Variants in VWC2L observed in about 807,000 individuals in gnomAD.
VWC2L encodes the protein von Willebrand factor C domain-containing protein 2-like.
In VWC2L, 10 loss-of-function variants were observed where a neutral mutation model predicts 21.6. The ratio of observed to expected loss-of-function variants is 0.46; its 90% CI spans 0.29 to 0.78. The LOEUF (loss-of-function observed/expected upper bound fraction) is 0.78. Ranked by LOEUF, VWC2L falls within the 30% of genes least tolerant of loss-of-function variation. VWC2L has a pLI of 0.10. For synonymous variants in VWC2L, 96 were observed against 94.3 expected (o/e 1.02, Z -0.10); for missense variants, 209 against 277.1 (o/e 0.75, Z 1.74).
chr2:214,430,698 A>G lies in VWC2L; in HGVS notation c.391-5931A>G, dbSNP rs58318981. Among the ~76,000 whole-genome samples the G allele has an allele frequency of 4.2e-3, 636 of 152,336 alleles. 4 individuals carry two copies. Among genetic ancestry groups the G allele is most frequent in the African/African-American group, 0.015 (614 of 41,576 alleles). ...GTTTTTTGATAGACATGCTGAAAAA[A>G]TATACTCCAGAATGTATTATCAAAA... On this transcript the variant is annotated intron_variant, in intron 2 of 3. Coordinates refer to ENST00000312504, the MANE Select transcript of VWC2L (RefSeq NM_001080500.4).
intron 3 of VWC2L, among the ~76,000 whole-genome samples, chr2:214,496,450 T>C (rs1026178451): frequency 4.6e-5 from 7 of 152,154 alleles, no homozygotes; most frequent in Admixed American, 6.6e-5. Flanking sequence ...TTTTCAACTA[T>C]CTGTTATACT....
chr2:214,536,507 A>T (rs1689531470), intron 3 of VWC2L, among the ~76,000 whole-genome samples: 1 of 152,086 alleles, frequency 6.6e-6, no homozygotes, highest in South Asian at 2.1e-4. Context: ...ATCAAGTTGA[A>T]TCTTAAAATC....
intron 3 of VWC2L, among the ~76,000 whole-genome samples, chr2:214,540,266 C>T (rs79641771): frequency 0.027 from 4,118 of 152,202 alleles, 186 homozygotes; most frequent in African/African-American, 0.092. Flanking sequence ...TTTATGGAAT[C>T]TTCATGTGCA....
At chr2:214,486,086 G>T (rs1321264206) in intron 3 of VWC2L, among the ~76,000 whole-genome samples, 1 of 152,014 alleles carries the variant, frequency 6.6e-6, no homozygotes, top group African/African-American at 2.4e-5. Flanking sequence ...GTGTATGTTT[G>T]TGTGTGTAAA....
chr2:214,415,371 C>T (rs1034108422), intron 2 of VWC2L, among the ~76,000 whole-genome samples: 11 of 152,094 alleles, frequency 7.2e-5, no homozygotes, highest in Non-Finnish European at 4.4e-5. Context: ...GGTATGAATA[C>T]ATGAAAAATG....
intron 2 of VWC2L, among the ~76,000 whole-genome samples, chr2:214,419,604 C>T (rs1186477209): frequency 6.6e-6 from 1 of 152,130 alleles, no homozygotes; most frequent in Non-Finnish European, 1.5e-5. Context: ...TTCCCAGTGT[C>T]CCTAATTCAG....
chr2:214,455,730 C>T lies in VWC2L; in HGVS notation c.520+18972C>T, dbSNP rs1321876504. The stretch of plus-strand genomic sequence containing the variant: ...AATCTCTCTCCCCTGCCTCTGGTAA[C>T]TATCAATTGACTCTCTAGCTCCATT... On this transcript the variant is annotated intron_variant, in intron 3 of 3. Transcript: ENST00000312504. Among the ~76,000 whole-genome samples, 5 of 152,156 alleles carry T rather than the reference C, an allele frequency of 3.3e-5. No individual in the cohort carries two copies. In the East Asian group the frequency reaches 9.6e-4, roughly 29 times the overall value.
intron 3 of VWC2L, among the ~76,000 whole-genome samples, chr2:214,442,925 A>G (rs190551165): frequency 5.3e-5 from 8 of 152,318 alleles, no homozygotes; most frequent in African/African-American, 1.9e-4. Context: ...CATATATTGT[A>G]TAACATATTA....
At chr2:214,535,513 G>A (rs1281537420) in intron 3 of VWC2L, among the ~76,000 whole-genome samples, 3 of 151,812 alleles carry the variant, frequency 2.0e-5, no homozygotes, top group African/African-American at 7.3e-5. Flanking sequence ...TCATGGGAAA[G>A]ACCAGGTTTA....
chr2:214,497,835 G>C (rs1294355816), intron 3 of VWC2L, among the ~76,000 whole-genome samples: 2 of 152,156 alleles, frequency 1.3e-5, no homozygotes, highest in African/African-American at 4.8e-5. Context: ...GCTGCTCTCT[G>C]CTCAGCCATC....
chr2:214,507,722 T>C (rs1227874083), intron 3 of VWC2L, among the ~76,000 whole-genome samples: 1 of 152,164 alleles, frequency 6.6e-6, no homozygotes, highest in African/African-American at 2.4e-5. Flanking sequence ...TCTATATTAG[T>C]GAGTTTGACA....
intron 3 of VWC2L, among the ~76,000 whole-genome samples, chr2:214,494,777 AC>A (rs1688789348): frequency 7.0e-6 from 1 of 142,136 alleles, no homozygotes; most frequent in Admixed American, 7.2e-5. Flanking sequence ...AGCACTAGGT[AC>A]TTTTTTTTTT....
At chr2:214,417,829 C>T (rs746444180) in intron 2 of VWC2L, among the ~76,000 whole-genome samples, 1 of 151,842 alleles carries the variant, frequency 6.6e-6, no homozygotes, top group Non-Finnish European at 1.5e-5. Context: ...TATCCAAGCA[C>T]AGAATTGAAT....
At chr2:214,421,605 G>A (rs1702441151) in intron 2 of VWC2L, among the ~76,000 whole-genome samples, 2 of 151,858 alleles carry the variant, frequency 1.3e-5, no homozygotes, top group Non-Finnish European at 2.9e-5. Flanking sequence ...TGAGATTTGC[G>A]GAGCTTGTCA....
At chr2:214,479,320 C>G (rs1688568552) in intron 3 of VWC2L, among the ~76,000 whole-genome samples, 1 of 152,178 alleles carries the variant, frequency 6.6e-6, no homozygotes, top group Admixed American at 6.5e-5. Flanking sequence ...TAGTGTTTAT[C>G]TTTTTAATGA....
At chr2:214,444,611 G>A (rs1190452033) in intron 3 of VWC2L, among the ~76,000 whole-genome samples, 1 of 151,728 alleles carries the variant, frequency 6.6e-6, no homozygotes, top group Non-Finnish European at 1.5e-5. Flanking sequence ...ATGCATTTGG[G>A]GCATTGGAAA....
intron 3 of VWC2L, among the ~76,000 whole-genome samples, chr2:214,449,513 C>T (rs937264923): frequency 1.3e-5 from 2 of 152,096 alleles, no homozygotes; most frequent in Admixed American, 1.3e-4. Flanking sequence ...AAAAATAAGT[C>T]AGAAATATGG....
intron 3 of VWC2L, among the ~76,000 whole-genome samples, chr2:214,461,255 A>T (rs1703136205): frequency 6.6e-6 from 1 of 152,200 alleles, no homozygotes; most frequent in African/African-American, 2.4e-5. Context: ...CAGCTTGCTC[A>T]GGGGCCAGAA....
intron 3 of VWC2L, among the ~76,000 whole-genome samples, chr2:214,514,204 T>C (rs900576647): frequency 6.6e-6 from 1 of 152,008 alleles, no homozygotes; most frequent in African/African-American, 2.4e-5. Flanking sequence ...AATTTTTCCC[T>C]GTGTAGTCTC....
Sources: gnomAD v4.1 joint callset for allele counts (sites outside exome capture counted in the v4.1 genomes callset) on GRCh38, gnomAD v4.1.1 for gene constraint, MANE v1.5 for transcripts, NCBI Gene and HGNC (gene_info 2026-07-23, HGNC 2026-07-21) for gene names.